Variants in THSD7A observed in about 807,000 individuals in gnomAD.
THSD7A encodes the protein thrombospondin type-1 domain-containing protein 7A.
Under a neutral mutation model 231.3 loss-of-function variants are expected in THSD7A, and 96 were observed. That is an observed-to-expected ratio of 0.41 (90% CI 0.35 to 0.49). The LOEUF is 0.49. Ranked by LOEUF, THSD7A falls within the 20% of genes least tolerant of loss-of-function variation. THSD7A has a pLI of 0.05. For synonymous variants in THSD7A, 940 were observed against 743.3 expected, an observed-to-expected ratio of 1.26 and a Z score of -4.30; for missense variants, 2,290 against 2,070.2, an observed-to-expected ratio of 1.11 and a Z score of -2.06.
At chr7:11,662,498 T>C (rs767560418) in intron 1 of THSD7A, among the ~76,000 whole-genome samples, 19 of 151,276 alleles carry the variant, frequency 1.3e-4, no homozygotes, top group Non-Finnish European at 1.9e-4. Flanking sequence ...CTAATAGAAG[T>C]AAAGAAATAT....
At chr7:11,652,382 C>T (rs1782537642) in intron 1 of THSD7A, among the ~76,000 whole-genome samples, 1 of 151,898 alleles carries the variant, frequency 6.6e-6, no homozygotes, top group African/African-American at 2.4e-5. Flanking sequence ...CACTAAAACG[C>T]ATGACTTATT....
At position 11,590,559 on chromosome 7, in the gene THSD7A, T is replaced by C; in HGVS notation, c.1354A>G (p.Thr452Ala). The change falls in exon 4 of 28, where the codon ACG (threonine) becomes GCG (alanine). Residue 452 changes from threonine (T) to alanine (A), a missense_variant. Coordinates refer to ENST00000423059, the MANE Select transcript of THSD7A (RefSeq NM_015204.3). The surrounding 1 kb of genome is among the most constrained non-coding windows in gnomAD (Gnocchi z 4.4). ...TGGATGCCCCCTCCACAGAGGGCCG[T>C]CTGGTTGCCGCGCCTCTTGTCCTGC... ...SQQDKRRGNQ[T>A]ALCGGGIQTR... The C allele has an allele frequency of 1.2e-6, 2 of 1,613,948 alleles. No homozygotes were observed. The highest frequency in any genetic ancestry group is 1.7e-6 in the Non-Finnish European group (2 of 1,179,846).
At chr7:11,721,485 C>A (rs148998138) in intron 1 of THSD7A, among the ~76,000 whole-genome samples, 10 of 151,888 alleles carry the variant, frequency 6.6e-5, no homozygotes, top group Non-Finnish European at 1.2e-4. Flanking sequence ...TTTCCTGAGG[C>A]CTCCCCAACC....
intron 1 of THSD7A, among the ~76,000 whole-genome samples, chr7:11,684,254 G>A (rs78638798): frequency 0.027 from 4,134 of 151,702 alleles, 199 homozygotes; most frequent in African/African-American, 0.095. Context: ...AGTCCCATCC[G>A]TGACAAACTC....
chr7:11,684,644 C>CA lies in THSD7A; in HGVS notation c.191-47684dup, dbSNP rs758702628. Reference sequence around the variant, plus strand: ...GCAATCCCATTTACATTAGTCCATACAAAAAATATCTAAAAATACATGTAA... The same window carrying CA: ...GCAATCCCATTTACATTAGTCCATACAAAAAAATATCTAAAAATACATGTAA... On this transcript the variant is annotated intron_variant, in intron 1 of 27. Transcript: ENST00000423059. Among the ~76,000 whole-genome samples the CA allele has an allele frequency of 3.3e-5, 5 of 151,738 alleles. No individual in the cohort carries two copies. In the South Asian group the frequency reaches 6.2e-4, roughly 19 times the overall value.
chr7:11,593,318 A>T lies in THSD7A; in HGVS notation c.1207T>A (p.Cys403Ser). 2 of 1,613,702 alleles carry T rather than the reference A, an allele frequency of 1.2e-6. No individual in the cohort carries two copies. The highest frequency in any genetic ancestry group is 1.7e-6 in the Non-Finnish European group (2 of 1,179,830). Residue 403 changes from cysteine to serine, a missense_variant, in exon 3 of 28, where the codon TGT becomes AGT. Transcript: ENST00000423059. ...RQFPIGSEKE[C>S]PEFEEKEPCL... Reference sequence around the variant, plus strand: ...GGTTCTTTTTCTTCAAATTCTGGACACTCCTTTTCACTGCCAATGGGAAAC... The same window carrying T: ...GGTTCTTTTTCTTCAAATTCTGGACTCTCCTTTTCACTGCCAATGGGAAAC...
chr7:11,778,635 A>T (rs1391569026), intron 1 of THSD7A, among the ~76,000 whole-genome samples: 2 of 152,202 alleles, frequency 1.3e-5, no homozygotes, highest in Non-Finnish European at 2.9e-5. Flanking sequence ...ACACTTTTAG[A>T]AGTATTAAGA....
intron 1 of THSD7A, among the ~76,000 whole-genome samples, chr7:11,827,257 T>G (rs188145960): frequency 6.6e-6 from 1 of 152,288 alleles, no homozygotes; most frequent in Non-Finnish European, 1.5e-5. Context: ...GTAGAGAGAC[T>G]TACATACCAC....
At chr7:11,586,963 T>C (rs1307972408) in intron 4 of THSD7A, among the ~76,000 whole-genome samples, 1 of 152,168 alleles carries the variant, frequency 6.6e-6, no homozygotes, top group Non-Finnish European at 1.5e-5. Flanking sequence ...ATTTTTAATA[T>C]GTTTTCTACA....
intron 2 of THSD7A, among the ~76,000 whole-genome samples, chr7:11,628,328 A>G (rs1781539035): frequency 6.6e-6 from 1 of 152,198 alleles, no homozygotes; most frequent in Admixed American, 6.5e-5. Flanking sequence ...CCAGAGGTGA[A>G]ACAACCTACA....
intron 1 of THSD7A, among the ~76,000 whole-genome samples, chr7:11,780,519 G>A (rs1231359905): frequency 6.6e-6 from 1 of 152,040 alleles, no homozygotes; most frequent in Non-Finnish European, 1.5e-5. Flanking sequence ...GTCTTCAGCC[G>A]ACAGCCAGCT....
intron 1 of THSD7A, among the ~76,000 whole-genome samples, chr7:11,692,920 G>C (rs1411904680): frequency 6.6e-6 from 1 of 151,428 alleles, no homozygotes; most frequent in Non-Finnish European, 1.5e-5. Context: ...TGGCCCTTAA[G>C]CCTTCATTTA....
chr7:11,660,832 GAGACCAAACGT>G, intron 1 of THSD7A, among the ~76,000 whole-genome samples: 1 of 151,590 alleles, frequency 6.6e-6, no homozygotes, highest in South Asian at 2.1e-4. Context: ...TAGCTTGTAT[GAGACCAAACGT>G]CCCAAGGAGA....
chr7:11,590,752 A>G lies in THSD7A; in HGVS notation c.1272-111T>C. 1 of 1,269,184 alleles carries G rather than the reference A, an allele frequency of 7.9e-7. No individual in the cohort carries two copies. Among genetic ancestry groups the G allele is most frequent in the Non-Finnish European group, 1.1e-6 (1 of 935,462 alleles). The allele number at this position is 1,269,184 out of a possible 1,614,324, so 78.6% of individuals were successfully genotyped here. A position where few individuals can be genotyped will look rare whatever the true frequency, so the allele number is the denominator to read the frequency against. ...ATTAGTCTCAAAATCATTTTCCTAG[A>G]GAATCCATCGTAGACTACATCTATG... On this transcript the variant is annotated intron_variant, in intron 3 of 27. Coordinates refer to ENST00000423059, the MANE Select transcript of THSD7A (RefSeq NM_015204.3). This position sits in a 1 kb window ranked among gnomAD's most constrained non-coding sequence, Gnocchi z 4.4.
chr7:11,674,395 GA>G (rs1783548967), intron 1 of THSD7A, among the ~76,000 whole-genome samples: 1 of 152,110 alleles, frequency 6.6e-6, no homozygotes, highest in Non-Finnish European at 1.5e-5. Flanking sequence ...TAAGCTTGGG[GA>G]GGGCACTTTT....
At chr7:11,545,522 C>T (rs2128324107) in intron 4 of THSD7A, among the ~76,000 whole-genome samples, 1 of 152,210 alleles carries the variant, frequency 6.6e-6, no homozygotes, top group South Asian at 2.1e-4. Flanking sequence ...AGAAGGATGG[C>T]ATTGAAGGTG....
chr7:11,737,021 G>A (rs1390784875), intron 1 of THSD7A, among the ~76,000 whole-genome samples: 2 of 151,998 alleles, frequency 1.3e-5, no homozygotes, highest in South Asian at 2.1e-4. Context: ...AGAAGGACAT[G>A]TTTGCTTTCC....
intron 1 of THSD7A, among the ~76,000 whole-genome samples, chr7:11,738,891 C>A (rs1008702901): frequency 2.6e-5 from 4 of 151,996 alleles, no homozygotes; most frequent in African/African-American, 9.7e-5. Context: ...AGACTTCTGA[C>A]CTCCAAAGCT....
chr7:11,455,632 T>C (rs1178602073), intron 11 of THSD7A, among the ~76,000 whole-genome samples: 2 of 152,010 alleles, frequency 1.3e-5, no homozygotes, highest in African/African-American at 4.8e-5. Flanking sequence ...TCTAATATAA[T>C]AGATCAGAAA....
Sources: allele counts gnomAD v4.1 joint callset (sites outside exome capture counted in the v4.1 genomes callset), GRCh38; gene constraint gnomAD v4.1.1; non-coding constraint Gnocchi (gnomAD v3.1); transcripts MANE v1.5; gene names NCBI Gene and HGNC (gene_info 2026-07-23, HGNC 2026-07-21).